Variants in NCK1 observed in about 807,000 individuals in gnomAD.
NCK1 encodes NCK adaptor protein 1.
A neutral mutation model predicts 36.6 loss-of-function variants in NCK1; 19 were observed. The ratio of observed to expected loss-of-function variants is 0.52; its 90% CI spans 0.36 to 0.76. The LOEUF (loss-of-function observed/expected upper bound fraction) is 0.76. NCK1 is among the 30% of genes least tolerant of loss of function. The pLI is 0.00. For missense variants in NCK1, 358 were observed against 445.6 expected (o/e 0.80, Z 1.77); for synonymous variants, 165 against 156.0 (o/e 1.06, Z -0.43).
intron 1 of NCK1, among the ~76,000 whole-genome samples, chr3:136,890,092 T>C (rs1375142779): frequency 1.3e-5 from 2 of 152,106 alleles, no homozygotes; most frequent in Non-Finnish European, 2.9e-5. Context: ...CAGCAGCCCA[T>C]GGGGCGGGGA....
intron 2 of NCK1, among the ~76,000 whole-genome samples, chr3:136,933,647 G>A (rs186464821): frequency 6.6e-6 from 1 of 152,114 alleles, no homozygotes; most frequent in African/African-American, 2.4e-5. Context: ...TTAGATCTGA[G>A]CAGTTTCCTT....
chr3:136,940,781 G>A (rs1163860842), intron 2 of NCK1, among the ~76,000 whole-genome samples: 2 of 152,094 alleles, frequency 1.3e-5, no homozygotes, highest in Non-Finnish European at 2.9e-5. Context: ...CTGAGCTCAA[G>A]TGATCCACCC....
chr3:136,917,449 T>G (rs957858123), intron 1 of NCK1, among the ~76,000 whole-genome samples: 1 of 152,220 alleles, frequency 6.6e-6, no homozygotes, highest in Non-Finnish European at 1.5e-5. Context: ...TCTTTAAAGT[T>G]GTTTTAACCT....
intron 1 of NCK1, among the ~76,000 whole-genome samples, chr3:136,874,522 G>A (rs770511764): frequency 2.9e-4 from 44 of 152,132 alleles, no homozygotes; most frequent in South Asian, 4.1e-4. Flanking sequence ...ATTTCTCCTG[G>A]CTGTATATAC....
At chr3:136,868,097 AG>A (rs1164504240) in intron 1 of NCK1, among the ~76,000 whole-genome samples, 1 of 151,596 alleles carries the variant, frequency 6.6e-6, no homozygotes, top group African/African-American at 2.4e-5. Context: ...TTGTATTTTT[AG>A]TAGAGATGGG....
chr3:136,899,247 A>AT, intron 1 of NCK1: 1 of 263,986 alleles, frequency 3.8e-6, no homozygotes, highest in Non-Finnish European at 7.7e-6. Context: ...AGGACTGCAT[A>AT]TTTGTAATGG....
chr3:136,950,464 A>G lies in NCK1; in HGVS notation c.*2011A>G, dbSNP rs1940944293. Among the ~76,000 whole-genome samples, 1 of 152,138 alleles carries G rather than the reference A, an allele frequency of 6.6e-6. No homozygotes were observed. Among genetic ancestry groups the G allele is most frequent in the Non-Finnish European group, 1.5e-5 (1 of 67,970 alleles). On this transcript the variant is annotated 3_prime_UTR_variant, in exon 4 of 4. Coordinates refer to ENST00000481752, the MANE Select transcript of NCK1 (RefSeq NM_001291999.2). ...TCCCAGATAACCCATGTGTGCTAGT[A>G]ATATCTATTGTGTGCTCTTACTATG...
chr3:136,945,357 G>T (rs573189414), intron 2 of NCK1, among the ~76,000 whole-genome samples: 83 of 152,152 alleles, frequency 5.5e-4, no homozygotes, highest in African/African-American at 1.8e-3. Context: ...AGAAAAGATG[G>T]TGAACTGTCA....
intron 2 of NCK1, among the ~76,000 whole-genome samples, chr3:136,933,383 C>G (rs1940443657): frequency 6.6e-6 from 1 of 152,146 alleles, no homozygotes; most frequent in Non-Finnish European, 1.5e-5. Context: ...GTTATGGGTA[C>G]AAAGACTTGC....
chr3:136,894,369 A>G (rs1296073682), intron 1 of NCK1, among the ~76,000 whole-genome samples: 1 of 152,152 alleles, frequency 6.6e-6, no homozygotes, highest in Non-Finnish European at 1.5e-5. Context: ...GTAGGGATAT[A>G]ATACCCTAGC....
intron 1 of NCK1, among the ~76,000 whole-genome samples, chr3:136,881,014 T>C (rs958447139): frequency 3.3e-5 from 5 of 152,182 alleles, no homozygotes; most frequent in African/African-American, 1.2e-4. Flanking sequence ...TTAAATGATA[T>C]TGCCATCCAC....
chr3:136,862,555 A>G (rs924209899), intron 1 of NCK1, among the ~76,000 whole-genome samples: 19 of 152,198 alleles, frequency 1.2e-4, no homozygotes, highest in Non-Finnish European at 2.2e-4. Flanking sequence ...GGATTCCGCG[A>G]GACCCTCGGG....
chr3:136,945,962 C>A lies in NCK1; in HGVS notation c.606C>A (p.Ser202Arg). 2 of 1,613,924 alleles carry A rather than the reference C, an allele frequency of 1.2e-6. No individual in the cohort carries two copies. Among genetic ancestry groups the A allele is most frequent in the African/African-American group, 1.3e-5 (1 of 74,950 alleles). The change falls in exon 3 of 4, where the codon AGC becomes AGA. Residue 202 changes from serine to arginine, a missense_variant. By Grantham distance (110) the Ser-to-Arg change is moderately radical. Transcript: ENST00000481752. ...TGGTACAGGCTCTTTACCCATTCAG[C>A]TCATCTAATGATGAAGAACTTAATT... ...LHVVQALYPF[S>R]SSNDEELNFE...
In NCK1 at chr3:136,930,546, G is replaced by T. The variant is rs762585989; in HGVS notation, c.226+2319G>T. 1.7e-5 allele frequency: 25 copies of T among 1,455,192 alleles called. No homozygotes were observed. The African/African-American group carries it at 2.9e-4, about 17-fold the overall frequency. 90.1% of individuals were successfully genotyped at this position (1,455,192 alleles called of 1,614,324 possible). On this transcript the variant is annotated intron_variant, in intron 2 of 3. Transcript: ENST00000481752. ...TGTGTTAACAAACTGACAGAACACA[G>T]AATTTTTACTCAAAATGGATTGGTT...
rs1938236162 is a variant in NCK1 at position 136,862,216 on chromosome 3, T to A, written c.-156T>A. 6.6e-6 allele frequency: 1 copy of A among 152,354 alleles called. No homozygotes were observed. Among genetic ancestry groups the A allele is most frequent in the South Asian group, 2.1e-4 (1 of 4,830 alleles). The allele number at this position is 152,354 out of a possible 1,614,324, so 9.4% of individuals were successfully genotyped here. On this transcript the variant is annotated 5_prime_UTR_variant, in exon 1 of 4. Transcript: ENST00000481752. ...CGCGGATCCGCCTGCCCACCGCGCG[T>A]GCCCCGCCTCTCTCCCAAGAGCTAC...
At chr3:136,867,096 CTTTCTTTCTTTCTTTCTTTCTTTG>C (rs1480893047) in intron 1 of NCK1, among the ~76,000 whole-genome samples, 17,586 of 43,928 alleles carry the variant, frequency 0.4, 3,136 homozygotes, top group South Asian at 0.46. Context: ...TTCTTTCTTT[CTTTCTTTCTTTCTTTCTTTCTTTG>C]TTTCTTTCTT....
intron 1 of NCK1, among the ~76,000 whole-genome samples, chr3:136,918,451 C>T (rs1225763693): frequency 2.0e-5 from 3 of 152,114 alleles, no homozygotes; most frequent in South Asian, 2.1e-4. Flanking sequence ...GATGACTTAA[C>T]GTATACAGGA....
chr3:136,890,824 G>T (rs775848837), intron 1 of NCK1, among the ~76,000 whole-genome samples: 17 of 152,218 alleles, frequency 1.1e-4, no homozygotes, highest in Non-Finnish European at 2.4e-4. Context: ...ACCACCACCT[G>T]TTTGCATAAG....
At chr3:136,905,776 C>A (rs1255054907) in intron 1 of NCK1, among the ~76,000 whole-genome samples, 2 of 151,920 alleles carry the variant, frequency 1.3e-5, no homozygotes, top group Non-Finnish European at 2.9e-5. Flanking sequence ...AGGTGCATGC[C>A]ACCACACCTG....
Sources: gnomAD v4.1 joint callset for allele counts (sites outside exome capture counted in the v4.1 genomes callset) on GRCh38, gnomAD v4.1.1 for gene constraint, MANE v1.5 for transcripts, NCBI Gene and HGNC (gene_info 2026-07-23, HGNC 2026-07-21) for gene names.